The following NUP210L variants were observed in gnomAD, a reference collection of about 807,000 sequenced individuals.
NUP210L encodes the protein nuclear pore membrane glycoprotein 210-like.
In NUP210L, 74 loss-of-function variants were observed where a neutral mutation model predicts 208.5. The observed-to-expected ratio is 0.35, with a 90% CI of 0.29 to 0.43. The LOEUF is 0.43. Among genes scored for constraint, NUP210L ranks in the 20% least tolerant of loss-of-function variants. The pLI is 1.00. For missense variants in NUP210L, 1,843 were observed against 2,289.4 expected (o/e 0.81, Z 3.98); for synonymous variants, 780 against 816.9 (o/e 0.95, Z 0.77).
At chr1:154,139,198 A>G (rs1658704359) in intron 5 of NUP210L, among the ~76,000 whole-genome samples, 2 of 151,778 alleles carry the variant, frequency 1.3e-5, no homozygotes, top group South Asian at 4.2e-4. Context: ...AAACCCCCCC[A>G]CCCCAAAAAA....
intron 16 of NUP210L, among the ~76,000 whole-genome samples, chr1:154,078,185 C>T (rs920808993): frequency 4.0e-5 from 6 of 149,794 alleles, no homozygotes; most frequent in African/African-American, 1.2e-4. Flanking sequence ...CAGTGGCGTG[C>T]GTGTACCTGT....
At chr1:154,046,423 G>A (rs765283561) in intron 25 of NUP210L, 54 bp from the exon 26 acceptor site, 99 of 1,396,178 alleles carry the variant, frequency 7.1e-5, no homozygotes, top group African/African-American at 4.5e-4. Flanking sequence ...TCTGTGGGGT[G>A]GACAGAGATG....
intron 12 of NUP210L, among the ~76,000 whole-genome samples, chr1:154,111,632 G>A (rs927203626): frequency 7.3e-5 from 11 of 151,382 alleles, no homozygotes; most frequent in Non-Finnish European, 1.3e-4. Context: ...TAATGAGATC[G>A]AAGCTGCAAT....
intron 33 of NUP210L, among the ~76,000 whole-genome samples, chr1:154,017,631 C>T (rs949464624): frequency 1.3e-5 from 2 of 151,068 alleles, no homozygotes; most frequent in Non-Finnish European, 3.0e-5. Flanking sequence ...ATTCTCCTAC[C>T]TCAGCCTCCT....
intron 14 of NUP210L, 129 bp downstream of exon 14, chr1:154,099,869 A>T: frequency 1.1e-6 from 1 of 917,466 alleles, no homozygotes; most frequent in African/African-American, 1.6e-5. Flanking sequence ...AAAACAAAAA[A>T]GTGGCAAGTA....
At chr1:154,120,530 G>C (rs999120866) in intron 10 of NUP210L, among the ~76,000 whole-genome samples, 1 of 150,892 alleles carries the variant, frequency 6.6e-6, no homozygotes, top group Non-Finnish European at 1.5e-5. Flanking sequence ...TAACGTAAAT[G>C]ATAAGTTAAT....
At chr1:154,051,605 G>A (rs1396229464) in intron 25 of NUP210L, among the ~76,000 whole-genome samples, 3 of 152,194 alleles carry the variant, frequency 2.0e-5, no homozygotes, top group African/African-American at 4.8e-5. Context: ...ATTATCCAGC[G>A]ATGCCCAACT....
intron 10 of NUP210L, among the ~76,000 whole-genome samples, chr1:154,121,848 C>T (rs549632684): frequency 1.3e-4 from 19 of 149,516 alleles, no homozygotes; most frequent in African/African-American, 4.7e-4. Context: ...GTCTGGGCAA[C>T]AGTAAGACTC....
chr1:154,027,975 T>G (rs966275131), intron 28 of NUP210L, among the ~76,000 whole-genome samples: 1 of 152,142 alleles, frequency 6.6e-6, no homozygotes, highest in Non-Finnish European at 1.5e-5. Context: ...GGAAAAGAAC[T>G]TATAATATTA....
chr1:154,007,214 C>T (rs190249412), intron 35 of NUP210L, among the ~76,000 whole-genome samples: 161 of 150,948 alleles, frequency 1.1e-3, no homozygotes, highest in African/African-American at 3.5e-3. Context: ...CTGCCCCCCT[C>T]GGCCTCCCAA....
At chr1:154,083,489 G>A (rs1220252437) in intron 16 of NUP210L, among the ~76,000 whole-genome samples, 8 of 152,104 alleles carry the variant, frequency 5.3e-5, no homozygotes, top group Non-Finnish European at 1.2e-4. Flanking sequence ...AGAAGTTCTG[G>A]AGGCCTGGAT....
rs574367519 is a variant in NUP210L, at chr1:154,040,701, C to T, written c.3696+5368G>A. Among the ~76,000 whole-genome samples the T allele has an allele frequency of 1.3e-3, 204 of 151,982 alleles. 1 individual carries two copies. The highest frequency in any genetic ancestry group is 2.2e-3 in the Non-Finnish European group (151 of 68,006). On this transcript the variant is annotated intron_variant, in intron 27 of 39. Coordinates refer to ENST00000368559, the Ensembl canonical transcript of NUP210L. ...TCCCAGGTTCACGCCATTCTCCCGC[C>T]TCAGCCTCCCAAGTAGCTGGGACTA...
At chr1:153,993,491 G>A (rs1456579966) in intron 38 of NUP210L, among the ~76,000 whole-genome samples, 1 of 151,964 alleles carries the variant, frequency 6.6e-6, no homozygotes, top group Non-Finnish European at 1.5e-5. Flanking sequence ...GTGTGAACCT[G>A]GGAGGCGGAG....
chr1:154,152,152 T>TTTTTA (rs549437706), intron 2 of NUP210L, among the ~76,000 whole-genome samples: 39 of 146,694 alleles, frequency 2.7e-4, no homozygotes, highest in South Asian at 1.3e-3. Flanking sequence ...ATACTCTTCA[T>TTTTTA]TTTTATTTTA....
rs1367902953 is a variant in NUP210L at position 154,146,627 on chromosome 1, CCA to C, written c.341-3052_341-3051del. 4.9e-3 allele frequency among the ~76,000 whole-genome samples: 562 copies of C among 113,872 alleles called. 13 individuals carry two copies. Among genetic ancestry groups the C allele is most frequent in the African/African-American group, 0.017 (492 of 29,698 alleles). 74.7% of individuals were successfully genotyped at this position (113,872 alleles called of 152,430 possible). On this transcript the variant is annotated intron_variant, in intron 2 of 39. Transcript: ENST00000368559. ...CAAGATCCCATCCCCCCTCCCCCCC[CCA>C]CCAAAAAAAGAGCATCACAGTACTA...
intron 25 of NUP210L, among the ~76,000 whole-genome samples, chr1:154,047,978 G>A (rs1276734926): frequency 6.6e-6 from 1 of 152,156 alleles, no homozygotes; most frequent in Non-Finnish European, 1.5e-5. Flanking sequence ...AGTAAGAAGG[G>A]GAGCTTGGAA....
intron 27 of NUP210L, among the ~76,000 whole-genome samples, chr1:154,040,591 C>CTT (rs1245452541): frequency 1.4e-5 from 2 of 143,578 alleles, no homozygotes; most frequent in Admixed American, 7.0e-5. Flanking sequence ...TTCTTTCTTT[C>CTT]TTTTTTTTTT....
At chr1:154,059,456 C>T (rs922937677) in intron 20 of NUP210L, among the ~76,000 whole-genome samples, 1 of 152,066 alleles carries the variant, frequency 6.6e-6, no homozygotes. Flanking sequence ...GATCATGCCA[C>T]GCACTCCAGC....
intron 14 of NUP210L, among the ~76,000 whole-genome samples, chr1:154,097,610 G>A (rs1434536723): frequency 6.6e-6 from 1 of 152,178 alleles, no homozygotes; most frequent in Non-Finnish European, 1.5e-5. Flanking sequence ...GCTACACAAT[G>A]TACAATGAGG....
Sources: gnomAD v4.1 joint callset for allele counts (sites outside exome capture counted in the v4.1 genomes callset) on GRCh38, gnomAD v4.1.1 for gene constraint, MANE v1.5 for transcripts, NCBI Gene and HGNC (gene_info 2026-07-23, HGNC 2026-07-21) for gene names.